CNTNAP5: variants seen among roughly 807,000 people sequenced by gnomAD.
The protein encoded by CNTNAP5 is contactin associated protein family member 5.
In CNTNAP5, 72 loss-of-function variants were observed where a neutral mutation model predicts 150.2. The observed-to-expected ratio is 0.48, with a 90% CI of 0.40 to 0.58. The LOEUF (loss-of-function observed/expected upper bound fraction) is 0.58. Ranked by LOEUF, CNTNAP5 falls within the 20% of genes least tolerant of loss-of-function variation. CNTNAP5 has a pLI of 0.00. For missense variants in CNTNAP5, 1,636 were observed against 1,626.2 expected (o/e 1.01, Z -0.10); for synonymous variants, 672 against 619.8 (o/e 1.08, Z -1.25).
intron 13 of CNTNAP5, among the ~76,000 whole-genome samples, chr2:124,692,574 G>A (rs979545388): frequency 2.0e-5 from 3 of 152,126 alleles, no homozygotes; most frequent in Admixed American, 6.5e-5. Context: ...GATGTCACAA[G>A]TGATATGAGG....
intron 3 of CNTNAP5, among the ~76,000 whole-genome samples, chr2:124,315,848 G>A (rs1274496190): frequency 6.6e-6 from 1 of 151,702 alleles, no homozygotes; most frequent in Non-Finnish European, 1.5e-5. Flanking sequence ...TGGGTCTAAT[G>A]CATATGCAGC....
chr2:124,285,295 T>G (rs564617057), intron 3 of CNTNAP5, among the ~76,000 whole-genome samples: 6 of 152,298 alleles, frequency 3.9e-5, no homozygotes, highest in Admixed American at 3.9e-4. Context: ...CCTCCCTTTC[T>G]ACTCTTGGGA....
At chr2:124,113,963 A>G (rs543974139) in intron 1 of CNTNAP5, among the ~76,000 whole-genome samples, 6 of 151,920 alleles carry the variant, frequency 3.9e-5, no homozygotes, top group African/African-American at 1.4e-4. Context: ...GTTTCCAATT[A>G]TATCCCCCTG....
At chr2:124,644,470 AC>A (rs2105024010) in intron 12 of CNTNAP5, among the ~76,000 whole-genome samples, 1 of 152,352 alleles carries the variant, frequency 6.6e-6, no homozygotes, top group Non-Finnish European at 1.5e-5. Flanking sequence ...ATTGCCAAAA[AC>A]AATATGATAT....
intron 18 of CNTNAP5, among the ~76,000 whole-genome samples, chr2:124,792,070 G>T (rs1426366226): frequency 6.6e-6 from 1 of 152,136 alleles, no homozygotes; most frequent in African/African-American, 2.4e-5. Flanking sequence ...AGGGTGGTCT[G>T]TTTGGTGATT....
At chr2:124,824,223 G>GTTT in intron 19 of CNTNAP5, among the ~76,000 whole-genome samples, 1 of 151,990 alleles carries the variant, frequency 6.6e-6, no homozygotes, top group East Asian at 1.9e-4. Context: ...TGGCCCTTAT[G>GTTT]TTCTTTTAGA....
At chr2:124,313,950 A>ATC (rs1449376272) in intron 3 of CNTNAP5, among the ~76,000 whole-genome samples, 6 of 152,202 alleles carry the variant, frequency 3.9e-5, no homozygotes, top group African/African-American at 1.4e-4. Flanking sequence ...TTAGAACTAA[A>ATC]TCTCAGACTT....
chr2:124,479,836 G>A (rs1185751511), intron 7 of CNTNAP5, among the ~76,000 whole-genome samples: 1 of 152,046 alleles, frequency 6.6e-6, no homozygotes, highest in Non-Finnish European at 1.5e-5. Context: ...TTCAGCTATG[G>A]GATCTTGAGA....
chr2:124,235,940 C>T (rs988615119), intron 2 of CNTNAP5, among the ~76,000 whole-genome samples: 70 of 145,122 alleles, frequency 4.8e-4, no homozygotes, highest in African/African-American at 1.6e-3. Context: ...CAAGTTCCCA[C>T]TTATTTATTT....
chr2:124,565,655 A>T (rs1471529934), intron 11 of CNTNAP5, among the ~76,000 whole-genome samples: 5 of 124,946 alleles, frequency 4.0e-5, no homozygotes, highest in African/African-American at 1.5e-4. Context: ...GCTGGAGTGC[A>T]GTGGCGCGAT....
chr2:124,254,400 G>C (rs1315413029), intron 3 of CNTNAP5, among the ~76,000 whole-genome samples: 1 of 152,170 alleles, frequency 6.6e-6, no homozygotes, highest in Non-Finnish European at 1.5e-5. Context: ...GCTGGTAAGG[G>C]GGGCAGTCTC....
At chr2:124,359,277 T>C (rs1690126574) in intron 3 of CNTNAP5, among the ~76,000 whole-genome samples, 1 of 151,290 alleles carries the variant, frequency 6.6e-6, no homozygotes, top group East Asian at 2.0e-4. Flanking sequence ...ATTGATTTTT[T>C]GAAGGGTTTT....
rs1380356610 is a variant in CNTNAP5, at chr2:124,619,929, A to G, written c.1876+10009A>G. ...CATTCATATATATATATATATATAT[A>G]TATATATGTAGTGCACACACACACA... On this transcript the variant is annotated intron_variant, in intron 12 of 23. Coordinates refer to ENST00000682447, the MANE Select transcript of CNTNAP5 (RefSeq NM_001367498.1). Among the ~76,000 whole-genome samples the G allele has an allele frequency of 1.7e-3, 187 of 107,462 alleles. 2 individuals carry two copies. Among genetic ancestry groups the G allele is most frequent in the Non-Finnish European group, 3.3e-3 (152 of 45,710 alleles). 70.5% of individuals were successfully genotyped at this position (107,462 alleles called of 152,430 possible).
At chr2:124,907,394 T>C (rs1298164773) in intron 22 of CNTNAP5, among the ~76,000 whole-genome samples, 2 of 151,582 alleles carry the variant, frequency 1.3e-5, no homozygotes, top group Non-Finnish European at 1.5e-5. Flanking sequence ...TCTCTATATA[T>C]ACATAGATAT....
At chr2:124,410,701 A>G (rs1691732316) in intron 3 of CNTNAP5, among the ~76,000 whole-genome samples, 1 of 151,764 alleles carries the variant, frequency 6.6e-6, no homozygotes, top group African/African-American at 2.4e-5. Flanking sequence ...GACACAACAT[A>G]CCAGAATCTC....
At chr2:124,734,699 G>A (rs1292114394) in intron 13 of CNTNAP5, among the ~76,000 whole-genome samples, 1 of 151,798 alleles carries the variant, frequency 6.6e-6, no homozygotes, top group African/African-American at 2.4e-5. Flanking sequence ...TTTTTTCTCT[G>A]TATTTTATTT....
At chr2:124,636,796 T>C (rs1169622236) in intron 12 of CNTNAP5, among the ~76,000 whole-genome samples, 1 of 152,042 alleles carries the variant, frequency 6.6e-6, no homozygotes, top group Non-Finnish European at 1.5e-5. Context: ...GTTTTATTCC[T>C]AAATGTCCAA....
chr2:124,614,396 A>G, intron 12 of CNTNAP5, among the ~76,000 whole-genome samples: 1 of 152,212 alleles, frequency 6.6e-6, no homozygotes, highest in Non-Finnish European at 1.5e-5. Context: ...TTATTAAGAA[A>G]GTAAAAGAAT....
chr2:124,402,578 T>A (rs1290173950), intron 3 of CNTNAP5, among the ~76,000 whole-genome samples: 1 of 152,164 alleles, frequency 6.6e-6, no homozygotes, highest in African/African-American at 2.4e-5. Flanking sequence ...CTGGAGGTCA[T>A]AACCAGGCAA....
Sources: gnomAD v4.1 joint callset for allele counts (sites outside exome capture counted in the v4.1 genomes callset) on GRCh38, gnomAD v4.1.1 for gene constraint, MANE v1.5 for transcripts, NCBI Gene and HGNC (gene_info 2026-07-23, HGNC 2026-07-21) for gene names.